Variants in PTGIS observed in about 807,000 individuals in gnomAD.
PTGIS encodes prostaglandin I2 synthase, also known as prostacyclin synthase.
In PTGIS, 45 loss-of-function variants were observed where a neutral mutation model predicts 50.3. The observed-to-expected ratio is 0.90, with a 90% CI of 0.70 to 1.15. The LOEUF is 1.15. Ranked by LOEUF, PTGIS falls within the 50% of genes most tolerant of loss-of-function variation. The pLI is 0.00. For missense variants in PTGIS, 668 were observed against 661.3 expected (o/e 1.01, Z -0.11); for synonymous variants, 260 against 267.7 (o/e 0.97, Z 0.28).
chr20:49,515,788 C>T (rs1333578782), intron 6 of PTGIS, among the ~76,000 whole-genome samples: 3 of 152,182 alleles, frequency 2.0e-5, no homozygotes, highest in Admixed American at 2.0e-4. Context: ...CCAAGACACA[C>T]AGAAGCATGC....
rs535630053 is a variant in PTGIS, at chr20:49,540,795, C to G, written c.522-1074G>C. Among the ~76,000 whole-genome samples the G allele has an allele frequency of 3.2e-4, 49 of 152,318 alleles. 1 individual carries two copies. In the South Asian group the frequency reaches 1.0e-2, roughly 31 times the overall value. On this transcript the variant is annotated intron_variant, in intron 4 of 9. Transcript: ENST00000244043. The surrounding 1 kb of genome is among the most constrained non-coding windows in gnomAD (Gnocchi z 4.8). ...TCAGTCCTGGGAGGGAAACTGCAGGCTTTCATTTTGTCATCTCTGCCTCAG... is the reference window on the plus strand; with the variant it reads ...TCAGTCCTGGGAGGGAAACTGCAGGGTTTCATTTTGTCATCTCTGCCTCAG...
intron 6 of PTGIS, among the ~76,000 whole-genome samples, chr20:49,519,765 C>T (rs1262013679): frequency 1.3e-5 from 2 of 152,180 alleles, no homozygotes; most frequent in African/African-American, 4.8e-5. Context: ...CTGCCCATGG[C>T]TCTGCCATCC....
intron 1 of PTGIS, among the ~76,000 whole-genome samples, chr20:49,560,249 G>C (rs1982734310): frequency 6.6e-6 from 1 of 151,180 alleles, no homozygotes; most frequent in Non-Finnish European, 1.5e-5. Flanking sequence ...AGGGGAGCTG[G>C]AGGGCCGTGG....
chr20:49,507,981 T>C lies in PTGIS; in HGVS notation c.1442A>G (p.Tyr481Cys), dbSNP rs775891729. The change falls in exon 10 of 10, where the codon TAC (tyrosine) becomes TGC (cysteine). Residue 481 changes from tyrosine (Y) to cysteine (C), a missense_variant. Coordinates refer to ENST00000244043, the MANE Select transcript of PTGIS (RefSeq NM_000961.4). The part of the protein sequence containing the change: ...VEIPEFDLSR[Y>C]GFGLMQPEHD... ...TTCCGGCTGCATCAGACCGAAGCCG[T>C]ACCTGCTGAGGTCAAACTCAGGGAT... 1 of 1,613,910 alleles carries C rather than the reference T, an allele frequency of 6.2e-7. No homozygotes were observed. The highest frequency in any genetic ancestry group is 1.7e-5 in the Admixed American group (1 of 60,030).
Position 49,513,064 on chromosome 20 carries a change from C to A in PTGIS, c.1206+16G>T, listed in dbSNP as rs777042748. The A allele has an allele frequency of 5.5e-5, 89 of 1,613,908 alleles. No individual in the cohort carries two copies. The highest frequency in any genetic ancestry group is 7.4e-5 in the Non-Finnish European group (87 of 1,179,946). ...CTCCCACAGACCCCATATGACCAGG[C>A]GCCCCTGCCATTTACCTCTGGGTCT... On this transcript the variant is annotated intron_variant, in intron 8 of 9. Transcript: ENST00000244043.
Position 49,504,949 on chromosome 20 carries a change from C to T in PTGIS, c.*2971G>A, listed in dbSNP as rs986582280. ...ACCATCCTGGCTAATACGGTGAAATCCCATCTCTACTAAAAATCCAAAAAT... is the reference window on the plus strand; with the variant it reads ...ACCATCCTGGCTAATACGGTGAAATTCCATCTCTACTAAAAATCCAAAAAT... On this transcript the variant is annotated 3_prime_UTR_variant, in exon 10 of 10. Transcript: ENST00000244043. 1 of 151,702 alleles carries T rather than the reference C, an allele frequency of 6.6e-6. No individual in the cohort carries two copies. The highest frequency in any genetic ancestry group is 2.4e-5 in the African/African-American group (1 of 41,252). The allele number at this position is 151,702 out of a possible 1,614,324, so 9.4% of individuals were successfully genotyped here.
intron 1 of PTGIS, among the ~76,000 whole-genome samples, chr20:49,563,551 G>C (rs1470348185): frequency 6.6e-6 from 1 of 152,204 alleles, no homozygotes; most frequent in Non-Finnish European, 1.5e-5. Flanking sequence ...CTGAGTCCCA[G>C]GAAAGTATTG....
chr20:49,525,213 C>A lies in PTGIS; in HGVS notation c.674-974G>T, dbSNP rs372172632. Among the ~76,000 whole-genome samples, 185 of 152,350 alleles carry A rather than the reference C, an allele frequency of 1.2e-3. 6 individuals carry two copies. The highest frequency in any genetic ancestry group is 4.2e-3 in the African/African-American group (175 of 41,576). ...GGGGCCATGGCACTTAGCCCACCAACCAGCCCTCGGCAGGAGAGGGAAACA... is the reference window on the plus strand; with the variant it reads ...GGGGCCATGGCACTTAGCCCACCAAACAGCCCTCGGCAGGAGAGGGAAACA... On this transcript the variant is annotated intron_variant, in intron 5 of 9. Coordinates refer to ENST00000244043, the MANE Select transcript of PTGIS (RefSeq NM_000961.4).
chr20:49,558,944 C>T (rs1235522572), intron 1 of PTGIS, among the ~76,000 whole-genome samples: 2 of 152,074 alleles, frequency 1.3e-5, no homozygotes, highest in Admixed American at 1.3e-4. Flanking sequence ...AACTCCTGAT[C>T]TCAGGTGATC....
chr20:49,542,199 G>A (rs1982248023), intron 4 of PTGIS, among the ~76,000 whole-genome samples: 1 of 152,238 alleles, frequency 6.6e-6, no homozygotes, highest in Non-Finnish European at 1.5e-5. Context: ...CTTTGGGTGT[G>A]ACTCAGTGAG....
intron 5 of PTGIS, among the ~76,000 whole-genome samples, chr20:49,525,085 C>G (rs751261342): frequency 2.0e-5 from 3 of 152,192 alleles, no homozygotes; most frequent in Admixed American, 6.5e-5. Context: ...GCAGCAATCA[C>G]AGAAAGACAT....
Position 49,540,130 on chromosome 20 carries a change from G to A in PTGIS, c.522-409C>T, listed in dbSNP as rs907645311. ...AGAGCAGAGGGAGGGGTAGGAAGCA[G>A]AGCAAGCACCAGGTGTGATGTCCTG... On this transcript the variant is annotated intron_variant, in intron 4 of 9. Coordinates refer to ENST00000244043, the MANE Select transcript of PTGIS (RefSeq NM_000961.4). The surrounding 1 kb of genome is among the most constrained non-coding windows in gnomAD (Gnocchi z 4.8). 5.9e-5 allele frequency among the ~76,000 whole-genome samples: 9 copies of A among 152,126 alleles called. No individual in the cohort carries two copies. The highest frequency in any genetic ancestry group is 1.9e-4 in the African/African-American group (8 of 41,424).
rs1319034073 is a variant in PTGIS at position 49,507,643 on chromosome 20, C to CACGAGGTGAGAGTA, written c.*263_*276dup. 4 of 512,680 alleles carry CACGAGGTGAGAGTA rather than the reference C, an allele frequency of 7.8e-6. No homozygotes were observed. The South Asian group carries it at 8.1e-5, about 10-fold the overall frequency. The allele number at this position is 512,680 out of a possible 1,614,324, so 31.8% of individuals were successfully genotyped here. On this transcript the variant is annotated 3_prime_UTR_variant, in exon 10 of 10. Coordinates refer to ENST00000244043, the MANE Select transcript of PTGIS (RefSeq NM_000961.4). Reference sequence around the variant, plus strand: ...TTATCTGAATAGCATTTGTGGATATCACGAGGTGAGAGTAACGAGGTGAAT... The same window carrying CACGAGGTGAGAGTA: ...TTATCTGAATAGCATTTGTGGATATCACGAGGTGAGAGTAACGAGGTGAGAGTAACGAGGTGAAT...
chr20:49,516,875 G>A (rs1249767425), intron 6 of PTGIS, among the ~76,000 whole-genome samples: 1 of 152,234 alleles, frequency 6.6e-6, no homozygotes, highest in Non-Finnish European at 1.5e-5. Context: ...GGAGCTCCAA[G>A]ACAGCCTGGG....
At chr20:49,531,565 A>G (rs1981937552) in intron 5 of PTGIS, among the ~76,000 whole-genome samples, 1 of 152,216 alleles carries the variant, frequency 6.6e-6, no homozygotes, top group South Asian at 2.1e-4. Flanking sequence ...AATTTTAAAA[A>G]TCTTCCCACT....
chr20:49,520,741 A>AT (rs752766806), intron 6 of PTGIS, among the ~76,000 whole-genome samples: 2 of 152,166 alleles, frequency 1.3e-5, no homozygotes, highest in Non-Finnish European at 2.9e-5. Flanking sequence ...ATCATGGCTC[A>AT]TTGCAGCCTT....
chr20:49,539,816 A>G, intron 4 of PTGIS, 95 bp from the exon 5 acceptor site: 2 of 1,474,988 alleles, frequency 1.4e-6, no homozygotes, highest in African/African-American at 2.8e-5. Context: ...CCCAGTGAGC[A>G]ACTACTAATC....
Position 49,509,269 on chromosome 20 carries a change from C to T in PTGIS, c.1359-1205G>A, listed in dbSNP as rs141451137. The stretch of plus-strand genomic sequence containing the variant: ...CCCCTGGATTTGAACTCCTGCACCT[C>T]CACTTCCTGGGAACACGGCAAATGA... On this transcript the variant is annotated intron_variant, in intron 9 of 9. Transcript: ENST00000244043. Among the ~76,000 whole-genome samples the T allele has an allele frequency of 1.1e-4, 17 of 152,318 alleles. No homozygotes were observed. In the East Asian group the frequency reaches 3.3e-3, roughly 29 times the overall value.
intron 9 of PTGIS, among the ~76,000 whole-genome samples, chr20:49,508,855 C>T (rs937641100): frequency 2.0e-5 from 3 of 152,282 alleles, no homozygotes; most frequent in East Asian, 1.9e-4. Flanking sequence ...GGCAGCCCTA[C>T]GGGGGATGTC....
Sources: gnomAD v4.1 joint callset for allele counts (sites outside exome capture counted in the v4.1 genomes callset) on GRCh38, gnomAD v4.1.1 for gene constraint, Gnocchi (gnomAD v3.1) non-coding constraint, MANE v1.5 for transcripts, NCBI Gene and HGNC (gene_info 2026-07-23, HGNC 2026-07-21) for gene names.